Variants in SEMA3C observed in about 807,000 individuals in gnomAD.
SEMA3C encodes semaphorin-3C.
Under a neutral mutation model 89.4 loss-of-function variants are expected in SEMA3C, and 47 were observed. That is an observed-to-expected ratio of 0.53 (90% CI 0.42 to 0.67). The LOEUF is 0.67. Ranked by LOEUF, SEMA3C falls within the 30% of genes least tolerant of loss-of-function variation. The pLI, the probability that SEMA3C is intolerant of heterozygous loss-of-function variation, is 0.00. For synonymous variants in SEMA3C, 310 were observed against 320.2 expected (o/e 0.97, Z 0.34); for missense variants, 839 against 929.1 (o/e 0.90, Z 1.26).
At position 80,789,510 on chromosome 7, in the gene SEMA3C, T is replaced by A; in HGVS notation, c.1150A>T (p.Thr384Ser). 1 of 1,611,934 alleles carries A rather than the reference T, an allele frequency of 6.2e-7. No individual in the cohort carries two copies. The highest frequency in any genetic ancestry group is 8.5e-7 in the Non-Finnish European group (1 of 1,178,866). Reference sequence around the variant, plus strand: ...TCCTTGGTGGTTCGCATATTGGGTGTAAATGCTCCTCCTGGACACTAGAAA... The same window carrying A: ...TCCTTGGTGGTTCGCATATTGGGTGAAAATGCTCCTCCTGGACACTAGAAA... Reference protein sequence around the residue: ...RPGTCPGGAFTPNMRTTKEFP... With the variant: ...RPGTCPGGAFSPNMRTTKEFP... Residue 384 changes from threonine to serine, a missense_variant, in exon 12 of 18, where the codon ACA becomes TCA. Physicochemically the swap from Thr to Ser is moderately conservative, Grantham distance 58. Coordinates refer to ENST00000265361, the MANE Select transcript of SEMA3C (RefSeq NM_006379.5).
At chr7:80,891,466 T>A (rs886815133) in intron 2 of SEMA3C, among the ~76,000 whole-genome samples, 13 of 151,838 alleles carry the variant, frequency 8.6e-5, no homozygotes, top group African/African-American at 2.9e-4. Flanking sequence ...ACTTTATCCA[T>A]CATAAAATTC....
At chr7:80,892,328 G>A (rs1791634716) in intron 2 of SEMA3C, among the ~76,000 whole-genome samples, 2 of 152,084 alleles carry the variant, frequency 1.3e-5, no homozygotes, top group Admixed American at 1.3e-4. Flanking sequence ...TGTATTTACA[G>A]AGAGATCATT....
rs368011170 is a variant in SEMA3C at position 80,802,794 on chromosome 7, T to C, written c.802-15A>G. On this transcript the variant is annotated splice_polypyrimidine_tract_variant and intron_variant, in intron 8 of 17. Transcript: ENST00000265361. ...CCAGTGTCATTCTAAAACCATTTTGTAAACATAATTCAGATTGCTTAAGTA... is the reference window on the plus strand; with the variant it reads ...CCAGTGTCATTCTAAAACCATTTTGCAAACATAATTCAGATTGCTTAAGTA... 6.3e-7 allele frequency: 1 copy of C among 1,579,160 alleles called. No homozygotes were observed. The highest frequency in any genetic ancestry group is 1.3e-5 in the African/African-American group (1 of 74,324).
rs554862455 is a variant in SEMA3C at position 80,915,989 on chromosome 7, T to C, written c.103+690A>G. 2.6e-5 allele frequency among the ~76,000 whole-genome samples: 4 copies of C among 152,256 alleles called. No homozygotes were observed. The East Asian group carries it at 7.7e-4, about 29-fold the overall frequency. ...TTGACTAACCAAATTCATTCATCTG[T>C]AAGTCCTTTGAACTATATACATTAA... On this transcript the variant is annotated intron_variant, in intron 2 of 17. Transcript: ENST00000265361.
intron 2 of SEMA3C, among the ~76,000 whole-genome samples, chr7:80,852,419 G>T (rs534695674): frequency 6.6e-6 from 1 of 152,182 alleles, no homozygotes; most frequent in East Asian, 1.9e-4. Context: ...GAAACTCTCA[G>T]GACACTGGTC....
rs147210867 is a variant in SEMA3C, at chr7:80,780,489, A to G, written c.1354+8817T>C. Among the ~76,000 whole-genome samples, 223 of 152,330 alleles carry G rather than the reference A, an allele frequency of 1.5e-3. 2 individuals are homozygous for G. The highest frequency in any genetic ancestry group is 5.0e-3 in the African/African-American group (206 of 41,564). ...GATTGATTAATCTTTGTTTTAAAAA[A>G]TTATTAAAAGAAGCATAGATTAAGC... On this transcript the variant is annotated intron_variant, in intron 12 of 17. Transcript: ENST00000265361.
intron 2 of SEMA3C, among the ~76,000 whole-genome samples, chr7:80,881,741 C>G (rs1022192317): frequency 6.6e-6 from 1 of 152,100 alleles, no homozygotes; most frequent in Non-Finnish European, 1.5e-5. Flanking sequence ...CATATTGTTC[C>G]TTATGGAGAT....
chr7:80,859,968 T>C (rs1790732359), intron 2 of SEMA3C, among the ~76,000 whole-genome samples: 1 of 152,158 alleles, frequency 6.6e-6, no homozygotes, highest in Admixed American at 6.6e-5. Context: ...CTGTGTGCTA[T>C]AAACTCATTT....
In SEMA3C at chr7:80,773,932, T is replaced by A. The variant is rs886091870; in HGVS notation, c.1355-8689A>T. Among the ~76,000 whole-genome samples, 3 of 152,328 alleles carry A rather than the reference T, an allele frequency of 2.0e-5. 1 individual carries two copies. Among genetic ancestry groups the A allele is most frequent in the South Asian group, 4.1e-4 (2 of 4,834 alleles). On this transcript the variant is annotated intron_variant, in intron 12 of 17. Transcript: ENST00000265361. ...CTGGAAGAGAAAAGCTGGATGAAGTTGTTCTTGCCTCAGTCAGATCTCATT... is the reference window on the plus strand; with the variant it reads ...CTGGAAGAGAAAAGCTGGATGAAGTAGTTCTTGCCTCAGTCAGATCTCATT...
intron 2 of SEMA3C, among the ~76,000 whole-genome samples, chr7:80,877,109 A>C (rs889429829): frequency 5.9e-5 from 9 of 152,208 alleles, no homozygotes; most frequent in Non-Finnish European, 8.8e-5. Flanking sequence ...GACATTCTAC[A>C]GTTTGCTTCT....
At chr7:80,897,017 G>A (rs1376404924) in intron 2 of SEMA3C, among the ~76,000 whole-genome samples, 1 of 152,190 alleles carries the variant, frequency 6.6e-6, no homozygotes, top group African/African-American at 2.4e-5. Flanking sequence ...TGTGGGGGCA[G>A]GTAGGCGCCG....
Position 80,765,236 on chromosome 7 carries a change from A to G in SEMA3C, c.1362T>C (p.Gly454=), listed in dbSNP as rs746805352. 4.3e-6 allele frequency: 7 copies of G among 1,610,984 alleles called. No individual in the cohort carries two copies. Among genetic ancestry groups the G allele is most frequent in the Non-Finnish European group, 5.9e-6 (7 of 1,178,028 alleles). Residue 454 remains glycine, a synonymous_variant, in exon 13 of 18, where the codon GGT becomes GGC. Coordinates refer to ENST00000265361, the MANE Select transcript of SEMA3C (RefSeq NM_006379.5). ...YHVLFLGTDR[G]TVQKVVVLPT... The stretch of plus-strand genomic sequence containing the variant: ...GAAGAACAACCACTTTTTGCACAGT[A>G]CCCCGATCTAAATTAAAAAAAGAAG...
At chr7:80,817,563 T>C (rs1045561384) in intron 5 of SEMA3C, among the ~76,000 whole-genome samples, 3 of 152,044 alleles carry the variant, frequency 2.0e-5, no homozygotes, top group African/African-American at 4.8e-5. Flanking sequence ...TGGACTGGGA[T>C]AACAAAGACA....
rs1469283129 is a variant in SEMA3C, at chr7:80,800,652, G to A, written c.986+105C>T. On this transcript the variant is annotated intron_variant, in intron 10 of 17. Transcript: ENST00000265361. ...AAAATGGAAGGATTACATCCCAAAT[G>A]ACATGTAAAATTAAAAGTTGCAGAG... 64 of 700,974 alleles carry A rather than the reference G, an allele frequency of 9.1e-5. 1 individual carries two copies. In the East Asian group the frequency reaches 1.4e-3, roughly 16 times the overall value. The allele number at this position is 700,974 out of a possible 1,614,324, so 43.4% of individuals were successfully genotyped here.
intron 4 of SEMA3C, among the ~76,000 whole-genome samples, chr7:80,820,018 T>C (rs999447281): frequency 1.1e-4 from 16 of 151,816 alleles, no homozygotes; most frequent in Admixed American, 3.9e-4. Flanking sequence ...AGAAAATATA[T>C]GTTGCTTTTC....
chr7:80,841,171 T>G (rs1293932782), intron 2 of SEMA3C, among the ~76,000 whole-genome samples: 3 of 152,128 alleles, frequency 2.0e-5, no homozygotes, highest in East Asian at 3.9e-4. Context: ...TCCGAGCAAG[T>G]ACCCGCCATG....
chr7:80,806,233 C>T (rs1028359372), intron 6 of SEMA3C, among the ~76,000 whole-genome samples: 3 of 152,032 alleles, frequency 2.0e-5, no homozygotes, highest in Non-Finnish European at 4.4e-5. Flanking sequence ...TCTAGAGTCT[C>T]AACCTTCTAA....
chr7:80,921,123 C>T (rs992544286), upstream of SEMA3C, among the ~76,000 whole-genome samples: 2 of 152,170 alleles, frequency 1.3e-5, no homozygotes, highest in African/African-American at 4.8e-5. Context: ...AATTTACAAA[C>T]ACCAATGAAT....
chr7:80,825,812 T>C (rs1789858719), intron 4 of SEMA3C, among the ~76,000 whole-genome samples: 1 of 152,022 alleles, frequency 6.6e-6, no homozygotes, highest in African/African-American at 2.4e-5. Context: ...AAGAAAACAG[T>C]TTAATTCATC....
Sources: allele counts gnomAD v4.1 joint callset (sites outside exome capture counted in the v4.1 genomes callset), GRCh38; gene constraint gnomAD v4.1.1; transcripts MANE v1.5; gene names NCBI Gene and HGNC (gene_info 2026-07-23, HGNC 2026-07-21).